The following WWOX variants were observed in gnomAD, a reference collection of about 807,000 sequenced individuals.
The protein encoded by WWOX is WW domain-containing oxidoreductase.
WWOX carries 69 observed loss-of-function variants against 46.2 expected under a neutral mutation model. The ratio of observed to expected loss-of-function variants is 1.49; its 90% confidence interval spans 1.23 to 1.82. The LOEUF is 1.82. Ranked by LOEUF, WWOX falls within the 40% of genes most tolerant of loss-of-function variation. The pLI, the probability that WWOX is intolerant of heterozygous loss-of-function variation, is 0.00. For synonymous variants in WWOX, 359 were observed against 202.6 expected, an observed-to-expected ratio of 1.77 and a Z score of -6.56; for missense variants, 919 against 542.6, an observed-to-expected ratio of 1.69 and a Z score of -6.89.
At chr16:78,616,297 G>A (rs1303599926) in intron 8 of WWOX, among the ~76,000 whole-genome samples, 1 of 152,056 alleles carries the variant, frequency 6.6e-6, no homozygotes, top group East Asian at 1.9e-4. Flanking sequence ...GCCATGGACT[G>A]AATAATATAT....
intron 6 of WWOX, among the ~76,000 whole-genome samples, chr16:78,418,156 C>G (rs998971353): frequency 5.9e-5 from 9 of 152,008 alleles, no homozygotes; most frequent in African/African-American, 2.2e-4. Context: ...GTCAGGAGGT[C>G]AAGACCATCC....
At chr16:78,890,712 A>G (rs528732126) in intron 8 of WWOX, 39 of 152,168 alleles carry the variant, frequency 2.6e-4, no homozygotes, top group African/African-American at 8.2e-4. Flanking sequence ...TGGGCCACCT[A>G]TACTATTATT....
In WWOX at chr16:79,091,849, G is replaced by C. The variant is rs367762031; in HGVS notation, c.1057-119759G>C. Reference sequence around the variant, plus strand: ...AGGCTGGAGAGCAGTGGTATTATCTGGGCTCACTGCAACCTCCACTTCCTG... The same window carrying C: ...AGGCTGGAGAGCAGTGGTATTATCTCGGCTCACTGCAACCTCCACTTCCTG... On this transcript the variant is annotated intron_variant, in intron 8 of 8. Transcript: ENST00000566780. Among the ~76,000 whole-genome samples the C allele has an allele frequency of 4.5e-4, 59 of 130,300 alleles. 1 individual carries two copies. The highest frequency in any genetic ancestry group is 1.8e-3 in the African/African-American group (58 of 33,062). 85.5% of individuals were successfully genotyped at this position (130,300 alleles called of 152,430 possible).
At chr16:79,028,886 C>T (rs2047698261) in intron 8 of WWOX, among the ~76,000 whole-genome samples, 1 of 128,346 alleles carries the variant, frequency 7.8e-6, no homozygotes, top group Non-Finnish European at 1.6e-5. Flanking sequence ...TTCACAGTTT[C>T]CTGAACCACT....
rs926436710 is a variant in WWOX at position 78,682,867 on chromosome 16, A to T, written c.1056+250115A>T. Among the ~76,000 whole-genome samples the T allele has an allele frequency of 4.6e-5, 7 of 152,346 alleles. No individual in the cohort carries two copies. The East Asian group carries it at 1.2e-3, about 25-fold the overall frequency. On this transcript the variant is annotated intron_variant, in intron 8 of 8. Transcript: ENST00000566780. The stretch of plus-strand genomic sequence containing the variant: ...TGCAAATAGAACAGTGGTGCTTAGC[A>T]GCTTTAGATAATGCATTGTAGGTGT...
At chr16:79,186,790 G>A (rs926286813) in intron 8 of WWOX, among the ~76,000 whole-genome samples, 7 of 151,990 alleles carry the variant, frequency 4.6e-5, no homozygotes, top group Non-Finnish European at 1.0e-4. Context: ...AGCATTTCTA[G>A]TAATGAGGAA....
At chr16:78,862,658 A>T (rs1344948001) in intron 8 of WWOX, among the ~76,000 whole-genome samples, 1 of 152,286 alleles carries the variant, frequency 6.6e-6, no homozygotes, top group South Asian at 2.1e-4. Flanking sequence ...CATCAGTTCC[A>T]TTCCATATCC....
In WWOX at chr16:78,220,726, C is replaced by G. The variant is rs539304676; in HGVS notation, c.516+56437C>G. 6.0e-4 allele frequency among the ~76,000 whole-genome samples: 91 copies of G among 152,256 alleles called. 1 individual carries two copies. Among genetic ancestry groups the G allele is most frequent in the African/African-American group, 2.1e-3 (88 of 41,552 alleles). The stretch of plus-strand genomic sequence containing the variant: ...AAGCAGTTTACAAATGCTGGTATGA[C>G]TAACAAGAATGAAAGGACCAGAATG... On this transcript the variant is annotated intron_variant, in intron 5 of 8. Coordinates refer to ENST00000566780, the MANE Select transcript of WWOX (RefSeq NM_016373.4).
chr16:79,172,805 C>T (rs2050726203), intron 8 of WWOX, among the ~76,000 whole-genome samples: 1 of 151,688 alleles, frequency 6.6e-6, no homozygotes, highest in Non-Finnish European at 1.5e-5. Flanking sequence ...ATGAGAGGAT[C>T]ACTTGAGCCT....
At chr16:78,615,715 G>C (rs1017928133) in intron 8 of WWOX, among the ~76,000 whole-genome samples, 1 of 151,616 alleles carries the variant, frequency 6.6e-6, no homozygotes, top group Non-Finnish European at 1.5e-5. Flanking sequence ...TGAAAGAAAG[G>C]GAAGGAAGAA....
At chr16:78,752,247 G>C (rs1186754461) in intron 8 of WWOX, among the ~76,000 whole-genome samples, 3 of 152,162 alleles carry the variant, frequency 2.0e-5, no homozygotes, top group Non-Finnish European at 4.4e-5. Context: ...TATTTTGTCT[G>C]TCAGTGTTAG....
At chr16:78,353,985 C>T (rs1027241312) in intron 5 of WWOX, among the ~76,000 whole-genome samples, 1 of 152,212 alleles carries the variant, frequency 6.6e-6, no homozygotes, top group Admixed American at 6.5e-5. Context: ...TTTCCTCATG[C>T]TTTCTCTCTT....
At chr16:79,063,294 G>T (rs1181570671) in intron 8 of WWOX, among the ~76,000 whole-genome samples, 1 of 152,158 alleles carries the variant, frequency 6.6e-6, no homozygotes, top group Non-Finnish European at 1.5e-5. Context: ...GCTCTTTATA[G>T]CCGTGTTTTT....
At chr16:78,655,776 TG>T (rs1443739356) in intron 8 of WWOX, among the ~76,000 whole-genome samples, 1 of 152,180 alleles carries the variant, frequency 6.6e-6, no homozygotes, top group Non-Finnish European at 1.5e-5. Flanking sequence ...TATCACCAAA[TG>T]AAAGTAAACA....
At chr16:78,131,673 C>T (rs1597244668) in intron 4 of WWOX, among the ~76,000 whole-genome samples, 1 of 151,894 alleles carries the variant, frequency 6.6e-6, no homozygotes, top group African/African-American at 2.4e-5. Flanking sequence ...CCTCCACGTC[C>T]CAGGTTCAAG....
At chr16:78,458,136 A>T (rs1390378944) in intron 8 of WWOX, among the ~76,000 whole-genome samples, 1 of 152,016 alleles carries the variant, frequency 6.6e-6, no homozygotes, top group Non-Finnish European at 1.5e-5. Flanking sequence ...TTTCTAGAAG[A>T]GAAATCCCTC....
At chr16:79,186,939 A>G (rs1381239827) in intron 8 of WWOX, among the ~76,000 whole-genome samples, 2 of 152,206 alleles carry the variant, frequency 1.3e-5, no homozygotes, top group East Asian at 3.9e-4. Context: ...AAAAGTAGAC[A>G]TGTGGAGTGA....
chr16:78,149,578 C>T (rs573243328), intron 4 of WWOX, among the ~76,000 whole-genome samples: 4 of 152,132 alleles, frequency 2.6e-5, no homozygotes, highest in Non-Finnish European at 4.4e-5. Flanking sequence ...GGGATTACAC[C>T]GAAGGGAGCA....
At chr16:78,493,907 G>A (rs1372260957) in intron 8 of WWOX, among the ~76,000 whole-genome samples, 2 of 152,164 alleles carry the variant, frequency 1.3e-5, no homozygotes, top group African/African-American at 2.4e-5. Context: ...TCCCTACTAG[G>A]TAGAGCAATG....
Sources: gnomAD v4.1 joint callset for allele counts (sites outside exome capture counted in the v4.1 genomes callset) on GRCh38, gnomAD v4.1.1 for gene constraint, MANE v1.5 for transcripts, NCBI Gene and HGNC (gene_info 2026-07-23, HGNC 2026-07-21) for gene names.